MTG2: variants seen among roughly 807,000 people sequenced by gnomAD.
MTG2 encodes mitochondrial ribosome-associated GTPase 2.
In MTG2, 23 loss-of-function variants were observed where a neutral mutation model predicts 28.6. The observed-to-expected ratio is 0.80, with a 90% CI of 0.58 to 1.14. The LOEUF (loss-of-function observed/expected upper bound fraction) is 1.14. MTG2 is among the 50% of genes most tolerant of loss of function. The pLI is 0.00. For missense variants in MTG2, 539 were observed against 552.0 expected (o/e 0.98, Z 0.24); for synonymous variants, 260 against 251.8 (o/e 1.03, Z -0.31).
intron 3 of MTG2, chr20:62,197,527 G>A (rs4925354): frequency 0.26 from 50,403 of 193,342 alleles, 7,211 homozygotes; most frequent in South Asian, 0.44. Context: ...TGGTGGGTTC[G>A]GTGGGTGCCG....
At position 62,194,260 on chromosome 20, in the gene MTG2, T is replaced by C. The variant is rs1419671243; in HGVS notation, c.204+636T>C. On this transcript the variant is annotated intron_variant, in intron 2 of 6. Transcript: ENST00000370823. Reference sequence around the variant, plus strand: ...ATTCAAGAAAATGCACGTTTATGACTCCCTTCGTTTCCTGCTGAATGGAGG... The same window carrying C: ...ATTCAAGAAAATGCACGTTTATGACCCCCTTCGTTTCCTGCTGAATGGAGG... Among the ~76,000 whole-genome samples the C allele has an allele frequency of 5.3e-5, 8 of 152,344 alleles. No homozygotes were observed. In the East Asian group the frequency reaches 1.3e-3, roughly 26 times the overall value.
intron 1 of MTG2, among the ~76,000 whole-genome samples, chr20:62,185,202 A>G (rs1255638254): frequency 6.7e-6 from 1 of 150,234 alleles, no homozygotes; most frequent in Non-Finnish European, 1.5e-5. Flanking sequence ...TCACGAGATC[A>G]GGAGTTCAAG....
intron 1 of MTG2, among the ~76,000 whole-genome samples, chr20:62,187,066 C>T (rs2057864230): frequency 6.6e-6 from 1 of 152,204 alleles, no homozygotes; most frequent in South Asian, 2.1e-4. Flanking sequence ...ATGTTCCCGT[C>T]TGTTCCCAGT....
At chr20:62,194,744 G>A (rs572178732) in intron 2 of MTG2, among the ~76,000 whole-genome samples, 8 of 152,348 alleles carry the variant, frequency 5.3e-5, no homozygotes, top group South Asian at 2.1e-4. Context: ...GTCTGTGCAC[G>A]TGGGCAGAAG....
chr20:62,185,133 C>T (rs1321140392), intron 1 of MTG2, among the ~76,000 whole-genome samples: 1 of 151,332 alleles, frequency 6.6e-6, no homozygotes, highest in African/African-American at 2.4e-5. Context: ...AAAAAAATGG[C>T]CAGGGCGTGG....
chr20:62,191,666 C>T (rs761434716), intron 1 of MTG2, among the ~76,000 whole-genome samples: 9 of 152,274 alleles, frequency 5.9e-5, no homozygotes, highest in African/African-American at 9.6e-5. Context: ...GCTCTGGCCC[C>T]GTGTTGAGTT....
chr20:62,199,288 G>A (rs188999586), intron 6 of MTG2, 31 bp downstream of exon 6: 185 of 1,592,870 alleles, frequency 1.2e-4, no homozygotes, highest in Non-Finnish European at 1.1e-4. Flanking sequence ...CCAAAGGTTA[G>A]ATTTAAATGA....
chr20:62,198,731 G>A lies in MTG2; in HGVS notation c.566G>A (p.Gly189Glu). The stretch of plus-strand genomic sequence containing the variant: ...ATTGCCGCGCTGGGCGGGGCAGGAG[G>A]GAAAGGCAACCGCTTCTTCCTGGCC... ...EYIAALGGAG[G>E]KGNRFFLANN... The change falls in exon 5 of 7, where the codon GGG (glycine) becomes GAG (glutamate). Residue 189 changes from glycine to glutamate, a missense_variant. Coordinates refer to ENST00000370823, the MANE Select transcript of MTG2 (RefSeq NM_015666.4). The A allele has an allele frequency of 6.2e-7, 1 of 1,613,724 alleles. No homozygotes were observed. The highest frequency in any genetic ancestry group is 8.5e-7 in the Non-Finnish European group (1 of 1,179,884).
At chr20:62,198,556 C>T in intron 4 of MTG2, 78 bp from the exon 5 acceptor site, 3 of 1,458,230 alleles carry the variant, frequency 2.1e-6, no homozygotes, top group Non-Finnish European at 2.8e-6. Flanking sequence ...TTCCTTAGCG[C>T]TTGCTTCAGG....
chr20:62,196,298 A>C (rs1161152278), intron 3 of MTG2, among the ~76,000 whole-genome samples: 15 of 151,536 alleles, frequency 9.9e-5, no homozygotes, highest in Admixed American at 9.9e-4. Context: ...TCAAGGCTGC[A>C]GTGAATCGTG....
At chr20:62,184,227 A>G (rs377549845) in intron 1 of MTG2, among the ~76,000 whole-genome samples, 43 of 152,126 alleles carry the variant, frequency 2.8e-4, no homozygotes, top group South Asian at 2.1e-3. Flanking sequence ...GCGTGGTGGC[A>G]GGCGCCTGTA....
intron 1 of MTG2, among the ~76,000 whole-genome samples, chr20:62,183,342 G>C (rs2057762198): frequency 6.6e-6 from 1 of 152,242 alleles, no homozygotes; most frequent in East Asian, 1.9e-4. Context: ...CAGAAGTCTT[G>C]TCAGCCACCC....
In MTG2 at chr20:62,193,908, A is replaced by G. The variant is rs2058009327; in HGVS notation, c.204+284A>G. ...CCTGTGTATTTTACATGTATGTTAC[A>G]TATATCCTTTCATATGTGTGGCTAT... On this transcript the variant is annotated intron_variant, in intron 2 of 6. Coordinates refer to ENST00000370823, the MANE Select transcript of MTG2 (RefSeq NM_015666.4). 4.4e-5 allele frequency: 17 copies of G among 385,986 alleles called. No homozygotes were observed. The South Asian group carries it at 5.2e-4, about 12-fold the overall frequency. The allele number at this position is 385,986 out of a possible 1,614,324, so 23.9% of individuals were successfully genotyped here. A position where few individuals can be genotyped will look rare whatever the true frequency, so the allele number is the denominator to read the frequency against.
At chr20:62,198,393 C>G (rs1318632594) in intron 4 of MTG2, 4 of 584,346 alleles carry the variant, frequency 6.8e-6, no homozygotes, top group South Asian at 2.0e-5. Context: ...TTTAGAAACA[C>G]TATTTGAAAA....
intron 1 of MTG2, among the ~76,000 whole-genome samples, chr20:62,190,331 A>G (rs1384544818): frequency 4.6e-5 from 7 of 152,148 alleles, no homozygotes; most frequent in African/African-American, 9.7e-5. Context: ...ACTACGCAGT[A>G]TTTTTTTGTC....
chr20:62,194,634 A>T (rs1467377817), intron 2 of MTG2, among the ~76,000 whole-genome samples: 1 of 149,342 alleles, frequency 6.7e-6, no homozygotes, highest in African/African-American at 2.4e-5. Context: ...TAAATGTTTT[A>T]AAATTTTCTT....
intron 3 of MTG2, 161 bp from the exon 4 acceptor site, chr20:62,197,691 C>A: frequency 1.7e-6 from 1 of 599,588 alleles, no homozygotes; most frequent in South Asian, 2.2e-5. Context: ...ATAAGGATTT[C>A]ATTTTTAAAA....
Position 62,201,211 on chromosome 20 carries a change from C to T in MTG2, c.*134C>T. 1 of 1,144,548 alleles carries T rather than the reference C, an allele frequency of 8.7e-7. No individual in the cohort carries two copies. Among genetic ancestry groups the T allele is most frequent in the East Asian group, 2.6e-5 (1 of 38,700 alleles). The allele number at this position is 1,144,548 out of a possible 1,614,324, so 70.9% of individuals were successfully genotyped here. On this transcript the variant is annotated 3_prime_UTR_variant, in exon 7 of 7. Transcript: ENST00000370823. Reference sequence around the variant, plus strand: ...CTTCTGGGTCTCTGGGCCCCGCCTGCTGGCCTGAGATGCCCTCATGTTGGG... The same window carrying T: ...CTTCTGGGTCTCTGGGCCCCGCCTGTTGGCCTGAGATGCCCTCATGTTGGG...
At chr20:62,186,440 C>T (rs1036298561) in intron 1 of MTG2, among the ~76,000 whole-genome samples, 5 of 151,322 alleles carry the variant, frequency 3.3e-5, no homozygotes, top group Admixed American at 3.3e-4. Flanking sequence ...TTGTTTGCGG[C>T]TGGTATTTAA....
Sources: allele counts gnomAD v4.1 joint callset (sites outside exome capture counted in the v4.1 genomes callset), GRCh38; gene constraint gnomAD v4.1.1; transcripts MANE v1.5; gene names NCBI Gene and HGNC (gene_info 2026-07-23, HGNC 2026-07-21).